The following MTHFD1L variants were observed in gnomAD, a reference collection of about 807,000 sequenced individuals.
The protein encoded by MTHFD1L is monofunctional C1-tetrahydrofolate synthase, mitochondrial.
In MTHFD1L, 81 loss-of-function variants were observed where a neutral mutation model predicts 119.5. That is an observed-to-expected ratio of 0.68 (90% CI 0.57 to 0.82). The LOEUF (loss-of-function observed/expected upper bound fraction) is 0.82. Among genes scored for constraint, MTHFD1L ranks in the 40% least tolerant of loss-of-function variants. MTHFD1L has a pLI of 0.00. For synonymous variants in MTHFD1L, 430 were observed against 475.2 expected (o/e 0.90, Z 1.24); for missense variants, 1,125 against 1,253.4 (o/e 0.90, Z 1.55).
At chr6:150,903,115 C>G (rs1785316145) in intron 7 of MTHFD1L, among the ~76,000 whole-genome samples, 1 of 149,956 alleles carries the variant, frequency 6.7e-6, no homozygotes, top group Non-Finnish European at 1.5e-5. Flanking sequence ...CCTAAATATA[C>G]TATTACCTGG....
At chr6:150,868,241 A>G (rs148240636) in intron 1 of MTHFD1L, among the ~76,000 whole-genome samples, 1 of 152,302 alleles carries the variant, frequency 6.6e-6, no homozygotes, top group African/African-American at 2.4e-5. Flanking sequence ...ACTTACCTCA[A>G]GGGGTTATGG....
chr6:150,892,830 T>G (rs1462090609), intron 7 of MTHFD1L, among the ~76,000 whole-genome samples: 1 of 152,224 alleles, frequency 6.6e-6, no homozygotes, highest in Admixed American at 6.5e-5. Context: ...CAGAAAACCC[T>G]TGCCATTCAT....
chr6:150,948,298 C>T (rs11963290), intron 15 of MTHFD1L, among the ~76,000 whole-genome samples: 7,517 of 151,958 alleles, frequency 0.049, 373 homozygotes, highest in Admixed American at 0.14. Context: ...TGAGCCACCA[C>T]GCCCAGCTTA....
chr6:150,965,660 G>T (rs1468242429), intron 19 of MTHFD1L, among the ~76,000 whole-genome samples: 1 of 144,386 alleles, frequency 6.9e-6, no homozygotes. Context: ...GACTCCGTCT[G>T]AAAAAAAAAA....
chr6:151,006,127 A>T (rs1213692139), intron 20 of MTHFD1L, among the ~76,000 whole-genome samples: 1 of 137,236 alleles, frequency 7.3e-6, no homozygotes, highest in African/African-American at 2.7e-5. Flanking sequence ...ACGGCACGTC[A>T]GTGTACTTAG....
intron 1 of MTHFD1L, among the ~76,000 whole-genome samples, chr6:150,868,285 A>G (rs1443947138): frequency 1.3e-5 from 2 of 152,082 alleles, no homozygotes; most frequent in East Asian, 1.9e-4. Flanking sequence ...TGCAAAATAC[A>G]TAGCCCAGGA....
intron 12 of MTHFD1L, among the ~76,000 whole-genome samples, chr6:150,938,164 C>T (rs1464905386): frequency 6.6e-6 from 1 of 151,738 alleles, no homozygotes; most frequent in Non-Finnish European, 1.5e-5. Context: ...ATTACAGGCA[C>T]CCGCCACCAT....
At chr6:151,088,975 T>A (rs893064026) in intron 26 of MTHFD1L, among the ~76,000 whole-genome samples, 3 of 152,224 alleles carry the variant, frequency 2.0e-5, no homozygotes, top group Admixed American at 1.3e-4. Flanking sequence ...CAGTAGAGTC[T>A]TCCATTGGTA....
intron 26 of MTHFD1L, among the ~76,000 whole-genome samples, chr6:151,061,968 C>T (rs945745550): frequency 7.2e-5 from 11 of 152,282 alleles, no homozygotes; most frequent in African/African-American, 2.4e-4. Flanking sequence ...ATAAATCAGG[C>T]CCTTGTAAGT....
intron 16 of MTHFD1L, among the ~76,000 whole-genome samples, chr6:150,953,663 T>C (rs542593722): frequency 6.6e-5 from 10 of 152,304 alleles, no homozygotes; most frequent in African/African-American, 9.6e-5. Context: ...TACCGGGCCA[T>C]GTTAAAGGCA....
intron 11 of MTHFD1L, among the ~76,000 whole-genome samples, chr6:150,933,604 C>T (rs1010734559): frequency 1.1e-4 from 17 of 152,058 alleles, no homozygotes; most frequent in Admixed American, 9.2e-4. Context: ...ATAGGCTCAC[C>T]AGCTCCTGGC....
intron 20 of MTHFD1L, among the ~76,000 whole-genome samples, chr6:150,974,315 T>C (rs1327571394): frequency 6.6e-6 from 1 of 152,238 alleles, no homozygotes; most frequent in Non-Finnish European, 1.5e-5. Context: ...TCTTGGCCAC[T>C]CCTGGCTGTC....
At chr6:150,951,177 G>A (rs570354787) in intron 16 of MTHFD1L, among the ~76,000 whole-genome samples, 43 of 151,274 alleles carry the variant, frequency 2.8e-4, no homozygotes, top group African/African-American at 1.0e-3. Flanking sequence ...GCTGGAGGCT[G>A]TGCGCCACAA....
At chr6:150,938,833 C>G in intron 13 of MTHFD1L, 88 bp downstream of exon 13, 1 of 1,459,370 alleles carries the variant, frequency 6.9e-7, no homozygotes. Context: ...GGCCCACAGA[C>G]CCTCATCCAT....
intron 26 of MTHFD1L, among the ~76,000 whole-genome samples, chr6:151,063,066 C>T (rs1052830465): frequency 6.6e-6 from 1 of 152,136 alleles, no homozygotes; most frequent in East Asian, 1.9e-4. Flanking sequence ...AGATCCACTT[C>T]GCTCAGCACA....
chr6:151,038,707 G>A (rs144566718), intron 26 of MTHFD1L, among the ~76,000 whole-genome samples: 33 of 152,258 alleles, frequency 2.2e-4, no homozygotes, highest in African/African-American at 5.8e-4. Flanking sequence ...AATTCAGCTC[G>A]GGCCAGAGGC....
intron 26 of MTHFD1L, among the ~76,000 whole-genome samples, chr6:151,042,700 G>A (rs1787311961): frequency 1.3e-5 from 2 of 152,142 alleles, no homozygotes; most frequent in African/African-American, 2.4e-5. Flanking sequence ...TAATATGTAA[G>A]CAAAGTATAT....
At chr6:151,064,779 T>C (rs1791043123) in intron 26 of MTHFD1L, among the ~76,000 whole-genome samples, 1 of 134,578 alleles carries the variant, frequency 7.4e-6, no homozygotes, top group South Asian at 2.5e-4. Flanking sequence ...TGTGTTACTA[T>C]TCTTTTTTTG....
At chr6:151,057,864 C>T (rs569717627) in intron 26 of MTHFD1L, among the ~76,000 whole-genome samples, 65 of 152,278 alleles carry the variant, frequency 4.3e-4, no homozygotes, top group African/African-American at 1.4e-3. Context: ...CTGCAACCTC[C>T]GCCTCCCAGG....
Sources: gnomAD v4.1 joint callset for allele counts (sites outside exome capture counted in the v4.1 genomes callset) on GRCh38, gnomAD v4.1.1 for gene constraint, MANE v1.5 for transcripts, NCBI Gene and HGNC (gene_info 2026-07-23, HGNC 2026-07-21) for gene names.